GRM4: variants seen among roughly 807,000 people sequenced by gnomAD.
GRM4 encodes metabotropic glutamate receptor 4.
Under a neutral mutation model 81.7 loss-of-function variants are expected in GRM4, and 28 were observed. The observed-to-expected ratio is 0.34, with a 90% CI of 0.25 to 0.47. GRM4 has a LOEUF of 0.47. GRM4 is among the 20% of genes least tolerant of loss of function. GRM4 has a pLI of 1.00. For missense variants in GRM4, 948 were observed against 1,290.0 expected, an observed-to-expected ratio of 0.73 and a Z score of 4.06; for synonymous variants, 488 against 528.8, an observed-to-expected ratio of 0.92 and a Z score of 1.06.
At chr6:34,134,652 C>G (rs977576461) in intron 1 of GRM4, among the ~76,000 whole-genome samples, 47 of 151,640 alleles carry the variant, frequency 3.1e-4, no homozygotes, top group African/African-American at 1.0e-3. Context: ...GGCCTCCATT[C>G]AGCTTGCACA....
At chr6:34,127,906 G>C (rs550757787) in intron 2 of GRM4, among the ~76,000 whole-genome samples, 4 of 152,312 alleles carry the variant, frequency 2.6e-5, no homozygotes, top group African/African-American at 9.6e-5. Context: ...CATCTTGTGG[G>C]ATCTAAGACA....
chr6:34,067,442 T>G (rs190025532), intron 3 of GRM4, among the ~76,000 whole-genome samples: 3,995 of 84,400 alleles, frequency 0.047, 355 homozygotes, highest in African/African-American at 0.12. Flanking sequence ...CCCTCCGTCC[T>G]TCCTTCCCTC....
intron 2 of GRM4, among the ~76,000 whole-genome samples, chr6:34,094,423 G>A (rs976364851): frequency 1.3e-5 from 2 of 152,206 alleles, no homozygotes; most frequent in Non-Finnish European, 2.9e-5. Context: ...AGTCCTCTCT[G>A]CCTTGGAGAA....
In GRM4 at chr6:34,070,566, G is replaced by A. The variant is rs1766766781; in HGVS notation, c.737-8538C>T. ...TCTGCCCCCTGGAGCCAACACCTCT[G>A]GGGAGCGGGTAAGGCCTAGTGGGGT... On this transcript the variant is annotated intron_variant, in intron 3 of 10. Transcript: ENST00000538487. This position sits in a 1 kb window ranked among gnomAD's most constrained non-coding sequence, Gnocchi z 4.6. Among the ~76,000 whole-genome samples, 1 of 151,968 alleles carries A rather than the reference G, an allele frequency of 6.6e-6. No individual in the cohort carries two copies. The highest frequency in any genetic ancestry group is 2.1e-4 in the South Asian group (1 of 4,826).
rs1012874197 is a variant in GRM4 at position 34,092,686 on chromosome 6, C to T, written c.520-587G>A. Among the ~76,000 whole-genome samples the T allele has an allele frequency of 2.6e-5, 4 of 152,120 alleles. No homozygotes were observed. The highest frequency in any genetic ancestry group is 4.8e-5 in the African/African-American group (2 of 41,420). On this transcript the variant is annotated intron_variant, in intron 2 of 10. Transcript: ENST00000538487. The surrounding 1 kb of genome is among the most constrained non-coding windows in gnomAD (Gnocchi z 6.8). Reference sequence around the variant, plus strand: ...CTAGTGGGGTGGGCTTCAGGAATTCCCTTCTCTCTGGAGCTGGGGACACTG... The same window carrying T: ...CTAGTGGGGTGGGCTTCAGGAATTCTCTTCTCTCTGGAGCTGGGGACACTG...
chr6:34,111,104 A>G lies in GRM4; in HGVS notation c.520-19005T>C. The G allele has an allele frequency of 5.5e-6, 1 of 181,920 alleles. No homozygotes were observed. Among genetic ancestry groups the G allele is most frequent in the Non-Finnish European group, 1.1e-5 (1 of 91,676 alleles). The allele number at this position is 181,920 out of a possible 1,614,324, so 11.3% of individuals were successfully genotyped here. ...AGGGGCCAGGGAGGAGGAGACACAC[A>G]CAGGCCACATACACACACACACACA... On this transcript the variant is annotated intron_variant, in intron 2 of 10. Transcript: ENST00000538487. The surrounding 1 kb of genome is among the most constrained non-coding windows in gnomAD (Gnocchi z 5.1).
chr6:34,024,218 CCTGA>C (rs1481000830), intron 10 of GRM4: 8 of 161,422 alleles, frequency 5.0e-5, no homozygotes, highest in Admixed American at 4.1e-4. Flanking sequence ...TGAGGCCTTA[CCTGA>C]CTGTGTTCTT....
At chr6:34,088,179 A>G (rs1334418004) in intron 3 of GRM4, among the ~76,000 whole-genome samples, 2 of 151,782 alleles carry the variant, frequency 1.3e-5, no homozygotes, top group South Asian at 2.1e-4. Flanking sequence ...TTGGAGTGCA[A>G]TGGCGCAATC....
At chr6:34,147,562 C>T (rs114808869), upstream of GRM4, among the ~76,000 whole-genome samples, 1,331 of 152,316 alleles carry the variant, frequency 8.7e-3, 23 homozygotes, top group African/African-American at 0.03. Flanking sequence ...AGGATTACGA[C>T]ACTAATCTCA....
At chr6:34,061,634 T>G in intron 4 of GRM4, 1 of 408,056 alleles carries the variant, frequency 2.5e-6, no homozygotes, top group Non-Finnish European at 4.4e-6. Context: ...AGCCCTCTGT[T>G]AAAGCACCCA....
In GRM4 at chr6:34,020,545, A is replaced by G. The variant is rs906610201; in HGVS notation, c.*2276T>C. On this transcript the variant is annotated 3_prime_UTR_variant, in exon 11 of 11. Coordinates refer to ENST00000538487, the MANE Select transcript of GRM4 (RefSeq NM_000841.4). ...CCCTACCCCCCACCCCCCCACCCCC[A>G]ACTGCCCTGGAAGCTTTTGGGAGAT... 2.8e-4 allele frequency: 3 copies of G among 10,574 alleles called. No individual in the cohort carries two copies. In the East Asian group the frequency reaches 9.7e-3, roughly 34 times the overall value. 0.7% of individuals were successfully genotyped at this position (10,574 alleles called of 1,614,324 possible). A position where few individuals can be genotyped will look rare whatever the true frequency, so the allele number is the denominator to read the frequency against.
intron 2 of GRM4, among the ~76,000 whole-genome samples, chr6:34,104,673 C>T (rs115438522): frequency 0.019 from 2,917 of 152,244 alleles, 39 homozygotes; most frequent in African/African-American, 0.046. Context: ...ACACCATCCC[C>T]GCACCCAGGA....
intron 2 of GRM4, among the ~76,000 whole-genome samples, chr6:34,117,748 A>C (rs1769654238): frequency 6.6e-6 from 1 of 152,070 alleles, no homozygotes; most frequent in Non-Finnish European, 1.5e-5. Flanking sequence ...TGTCTTTCCC[A>C]TGATAACCGC....
intron 1 of GRM4, among the ~76,000 whole-genome samples, chr6:34,154,702 G>C (rs1010059018): frequency 1.2e-4 from 18 of 152,090 alleles, no homozygotes; most frequent in East Asian, 5.8e-4. Context: ...ACAGACACGT[G>C]GGGGGGAGTC....
rs930340342 is a variant in GRM4, at chr6:34,074,576, C to G, written c.737-12548G>C. Among the ~76,000 whole-genome samples the G allele has an allele frequency of 3.5e-5, 5 of 141,608 alleles. No individual in the cohort carries two copies. The highest frequency in any genetic ancestry group is 7.6e-5 in the Non-Finnish European group (5 of 66,098). 92.9% of individuals were successfully genotyped at this position (141,608 alleles called of 152,430 possible). On this transcript the variant is annotated intron_variant, in intron 3 of 10. Coordinates refer to ENST00000538487, the MANE Select transcript of GRM4 (RefSeq NM_000841.4). The surrounding 1 kb of genome is among the most constrained non-coding windows in gnomAD (Gnocchi z 4.9). ...GCTGGGCGGCGCAGGCAGTGTGGCT[C>G]AGAGCTGAGCCCTGCCGTCCCCTGC...
At chr6:34,056,485 C>A (rs1765893367) in intron 6 of GRM4, 59 bp downstream of exon 6, 1 of 1,487,886 alleles carries the variant, frequency 6.7e-7, no homozygotes, top group African/African-American at 1.4e-5. Flanking sequence ...GGCCCCCAGG[C>A]TCGGCCCTCC....
chr6:34,143,390 C>A (rs1481713724), intron 1 of GRM4, among the ~76,000 whole-genome samples: 1 of 152,164 alleles, frequency 6.6e-6, no homozygotes, highest in Non-Finnish European at 1.5e-5. Flanking sequence ...CCTCCACTCT[C>A]CACCGCAGCC....
intron 2 of GRM4, chr6:34,102,241 G>T: frequency 8.2e-7 from 1 of 1,216,680 alleles, no homozygotes; most frequent in Non-Finnish European, 1.2e-6. Flanking sequence ...CCTGCCAAGT[G>T]CTAATAAAAT....
chr6:34,137,581 C>T (rs544022082), intron 1 of GRM4, among the ~76,000 whole-genome samples: 1 of 106,932 alleles, frequency 9.4e-6, no homozygotes, highest in Admixed American at 1.1e-4. Context: ...CTTCTAAGTC[C>T]CTTTTTTTTC....
Sources: gnomAD v4.1 joint callset for allele counts (sites outside exome capture counted in the v4.1 genomes callset) on GRCh38, gnomAD v4.1.1 for gene constraint, Gnocchi (gnomAD v3.1) non-coding constraint, MANE v1.5 for transcripts, NCBI Gene and HGNC (gene_info 2026-07-23, HGNC 2026-07-21) for gene names.